The following MPHOSPH9 variants were observed in gnomAD, a reference collection of about 807,000 sequenced individuals.
MPHOSPH9 encodes the protein M-phase phosphoprotein 9.
In MPHOSPH9, 88 loss-of-function variants were observed where a neutral mutation model predicts 145.5. The ratio of observed to expected loss-of-function variants is 0.60; its 90% CI spans 0.51 to 0.72. The LOEUF (loss-of-function observed/expected upper bound fraction) is 0.72, where lower values mean the gene tolerates loss of function less well. MPHOSPH9 is among the 30% of genes least tolerant of loss of function. The pLI is 0.00. For synonymous variants in MPHOSPH9, 435 were observed against 486.2 expected, an observed-to-expected ratio of 0.89 and a Z score of 1.39; for missense variants, 1,238 against 1,386.6, an observed-to-expected ratio of 0.89 and a Z score of 1.70.
At chr12:123,241,813 G>A (rs923562879) in intron 1 of MPHOSPH9, among the ~76,000 whole-genome samples, 13 of 152,170 alleles carry the variant, frequency 8.5e-5, no homozygotes, top group African/African-American at 3.1e-4. Flanking sequence ...CCTGCAGATA[G>A]TCTGTCTTGG....
At chr12:123,192,060 G>A (rs1351253919) in intron 13 of MPHOSPH9, among the ~76,000 whole-genome samples, 2 of 152,082 alleles carry the variant, frequency 1.3e-5, no homozygotes, top group Non-Finnish European at 2.9e-5. Flanking sequence ...GTCAAATGCA[G>A]AAGGAATACA....
Position 123,163,109 on chromosome 12 carries a change from TG to T in MPHOSPH9, c.2933del (p.Pro978GlnfsTer2). The T allele has an allele frequency of 6.3e-7, 1 of 1,587,906 alleles. No homozygotes were observed. The highest frequency in any genetic ancestry group is 1.9e-5 in the Admixed American group (1 of 52,586). ...GCTTTGGACTATAAGCCACAGTCACTGGTGTTAGCATAATCTCTCTTTTTGC... is the reference window on the plus strand; with the variant it reads ...GCTTTGGACTATAAGCCACAGTCACTGTGTTAGCATAATCTCTCTTTTTGC... Reference protein sequence around the residue: ...TPTKREIMLTPVTVAYSPKRS... With the variant: ...TPTKREIMLTXVTVAYSPKRS... On this transcript the variant is annotated frameshift_variant, in exon 20 of 24. Transcript: ENST00000606320. LOFTEE classifies it high-confidence loss of function.
rs2043879139 is a variant in MPHOSPH9, at chr12:123,156,725, T to C, written c.*82A>G. 4.7e-6 allele frequency: 5 copies of C among 1,067,694 alleles called. No individual in the cohort carries two copies. Among genetic ancestry groups the C allele is most frequent in the Non-Finnish European group, 7.0e-6 (5 of 714,568 alleles). 66.1% of individuals were successfully genotyped at this position (1,067,694 alleles called of 1,614,324 possible). A position where few individuals can be genotyped will look rare whatever the true frequency, so the allele number is the denominator to read the frequency against. On this transcript the variant is annotated 3_prime_UTR_variant, in exon 24 of 24. Coordinates refer to ENST00000606320, the MANE Select transcript of MPHOSPH9 (RefSeq NM_022782.4). ...CTACTGTTTGAAGGCTTATAAACAGTACAAAATAGTTTGCCTTTTCTGACT... is the reference window on the plus strand; with the variant it reads ...CTACTGTTTGAAGGCTTATAAACAGCACAAAATAGTTTGCCTTTTCTGACT...
Position 123,225,363 on chromosome 12 carries a change from G to A in MPHOSPH9, c.258+2100C>T, listed in dbSNP as rs1047926787. On this transcript the variant is annotated intron_variant, in intron 3 of 23. Coordinates refer to ENST00000606320, the MANE Select transcript of MPHOSPH9 (RefSeq NM_022782.4). ...GGAAGCTGAGGTGGGAGGATGGCTTGAGCCCAAGAGGTTGAAGGTACAGTG... is the reference window on the plus strand; with the variant it reads ...GGAAGCTGAGGTGGGAGGATGGCTTAAGCCCAAGAGGTTGAAGGTACAGTG... Among the ~76,000 whole-genome samples the A allele has an allele frequency of 5.3e-5, 8 of 149,954 alleles. No individual in the cohort carries two copies. In the East Asian group the frequency reaches 1.4e-3, roughly 26 times the overall value.
chr12:123,201,368 CA>C (rs1161627664), intron 11 of MPHOSPH9, among the ~76,000 whole-genome samples: 2 of 152,038 alleles, frequency 1.3e-5, no homozygotes, highest in African/African-American at 4.8e-5. Flanking sequence ...CATCGATTTT[CA>C]ATCTATTTAA....
rs935150436 is a variant in MPHOSPH9 at position 123,218,634 on chromosome 12, T to A, written c.873-135A>T. The A allele has an allele frequency of 1.0e-5, 8 of 763,990 alleles. No individual in the cohort carries two copies. In the African/African-American group the frequency reaches 1.4e-4, roughly 13 times the overall value. 47.3% of individuals were successfully genotyped at this position (763,990 alleles called of 1,614,324 possible). On this transcript the variant is annotated intron_variant, in intron 5 of 23. Transcript: ENST00000606320. ...TCCATCTCCTAGGTTCAAGCAATTC[T>A]CGTGCCTCAGTCTCCTGAATAGCTG... is the stretch of plus-strand genomic sequence containing the variant.
chr12:123,210,026 G>A (rs189937125), intron 8 of MPHOSPH9, 30 bp downstream of exon 8: 49 of 1,531,508 alleles, frequency 3.2e-5, no homozygotes, highest in African/African-American at 1.1e-4. Context: ...GTAAGCCACC[G>A]CGCCCGGCCA....
At chr12:123,168,424 C>A (rs1593077538) in intron 16 of MPHOSPH9, among the ~76,000 whole-genome samples, 1 of 150,966 alleles carries the variant, frequency 6.6e-6, no homozygotes, top group Middle Eastern at 3.4e-3. Flanking sequence ...TCACTGCAAG[C>A]TCCGCCTCCC....
chr12:123,186,321 A>G (rs935498537), intron 13 of MPHOSPH9, among the ~76,000 whole-genome samples: 1 of 151,974 alleles, frequency 6.6e-6, no homozygotes, highest in Non-Finnish European at 1.5e-5. Flanking sequence ...AAATTATCAT[A>G]GTGTCTAATT....
chr12:123,204,302 CAAA>C (rs5801508), intron 8 of MPHOSPH9, among the ~76,000 whole-genome samples: 16 of 124,872 alleles, frequency 1.3e-4, no homozygotes, highest in Non-Finnish European at 1.3e-4. Context: ...AACTCCGTCT[CAAA>C]AAAAAAAAAA....
At chr12:123,219,753 A>G (rs918959326) in intron 5 of MPHOSPH9, among the ~76,000 whole-genome samples, 1 of 152,194 alleles carries the variant, frequency 6.6e-6, no homozygotes, top group African/African-American at 2.4e-5. Context: ...CAATTCAGGG[A>G]CATGAAACTA....
chr12:123,153,206 A>C (rs1370907397), downstream of MPHOSPH9: 1 of 152,150 alleles, frequency 6.6e-6, no homozygotes, highest in Non-Finnish European at 1.5e-5. Context: ...TTAGAAAAAC[A>C]ACCTATATTT....
chr12:123,202,361 C>G, intron 10 of MPHOSPH9, 42 bp from the exon 11 acceptor site: 1 of 1,532,120 alleles, frequency 6.5e-7, no homozygotes, highest in Non-Finnish European at 8.8e-7. Context: ...GGAAAGCTAT[C>G]TTCAGTCTCC....
intron 13 of MPHOSPH9, among the ~76,000 whole-genome samples, chr12:123,182,261 G>GTTTTTTTTTTTTT (rs532750226): frequency 1.6e-5 from 1 of 61,800 alleles, no homozygotes; most frequent in African/African-American, 3.4e-5. Flanking sequence ...TTTTTTTTTT[G>GTTTTTTTTTTTTT]TTTTTTTTTT....
chr12:123,185,828 G>A (rs909714863), intron 13 of MPHOSPH9, among the ~76,000 whole-genome samples: 1 of 151,978 alleles, frequency 6.6e-6, no homozygotes, highest in African/African-American at 2.4e-5. Context: ...ATCTATAAAG[G>A]ATATTATTTA....
chr12:123,178,108 C>T (rs1260640108), intron 15 of MPHOSPH9, among the ~76,000 whole-genome samples: 3 of 152,168 alleles, frequency 2.0e-5, no homozygotes, highest in African/African-American at 4.8e-5. Context: ...CTGGCATGAT[C>T]ATTGCTTGCT....
intron 16 of MPHOSPH9, among the ~76,000 whole-genome samples, chr12:123,171,650 G>A (rs1337652014): frequency 1.3e-5 from 2 of 151,144 alleles, no homozygotes; most frequent in Non-Finnish European, 2.9e-5. Flanking sequence ...TTGGGAAGCT[G>A]AGGCAGGAGA....
intron 20 of MPHOSPH9, 87 bp from the exon 21 acceptor site, chr12:123,162,305 TAACTCA>T: frequency 7.0e-6 from 4 of 568,676 alleles, no homozygotes; most frequent in Non-Finnish European, 1.2e-5. Context: ...GGCATCCAGC[TAACTCA>T]CATATTTATG....
chr12:123,227,364 T>C, intron 3 of MPHOSPH9, 99 bp downstream of exon 3: 2 of 908,032 alleles, frequency 2.2e-6, no homozygotes, highest in Non-Finnish European at 1.5e-6. Flanking sequence ...AAAAGTGTCA[T>C]GCTCTTCAGG....
Sources: gnomAD v4.1 joint callset for allele counts (sites outside exome capture counted in the v4.1 genomes callset) on GRCh38, gnomAD v4.1.1 for gene constraint, MANE v1.5 for transcripts, NCBI Gene and HGNC (gene_info 2026-07-23, HGNC 2026-07-21) for gene names.